KLHL1: variants seen among roughly 807,000 people sequenced by gnomAD.
The protein encoded by KLHL1 is kelch-like protein 1.
In KLHL1, 47 loss-of-function variants were observed where a neutral mutation model predicts 77.7. That is an observed-to-expected ratio of 0.60 (90% CI 0.48 to 0.77). The LOEUF (loss-of-function observed/expected upper bound fraction) is 0.77, where lower values mean the gene tolerates loss of function less well. Ranked by LOEUF, KLHL1 falls within the 30% of genes least tolerant of loss-of-function variation. The probability of loss-of-function intolerance (pLI) is 0.00; values close to 1 mark genes in which losing one functional copy is unlikely to be tolerated. For missense variants in KLHL1, 925 were observed against 910.8 expected (o/e 1.02, Z -0.20); for synonymous variants, 360 against 325.2 (o/e 1.11, Z -1.15).
At chr13:70,044,710 G>C (rs996860782) in intron 1 of KLHL1, among the ~76,000 whole-genome samples, 1 of 152,018 alleles carries the variant, frequency 6.6e-6, no homozygotes, top group Non-Finnish European at 1.5e-5. Context: ...GTATTATTTT[G>C]ACTTACTACA....
intron 2 of KLHL1, among the ~76,000 whole-genome samples, chr13:69,969,940 T>TTG (rs959498517): frequency 3.1e-3 from 5 of 1,594 alleles, no homozygotes; most frequent in Non-Finnish European, 0.03. Context: ...GATTAAACTT[T>TTG]TTAAGTTCCA....
chr13:70,066,269 AGTCT>A (rs1419361285), intron 1 of KLHL1, among the ~76,000 whole-genome samples: 5 of 152,302 alleles, frequency 3.3e-5, no homozygotes, highest in African/African-American at 7.2e-5. Context: ...TTACTAATTT[AGTCT>A]GTCTAAGTCA....
At chr13:69,846,007 T>C (rs1221220228) in intron 5 of KLHL1, among the ~76,000 whole-genome samples, 2 of 151,372 alleles carry the variant, frequency 1.3e-5, no homozygotes, top group East Asian at 3.9e-4. Context: ...GCAAGAAAAA[T>C]AAAATCATTA....
chr13:69,874,829 G>T (rs756630367), intron 5 of KLHL1, among the ~76,000 whole-genome samples: 2 of 152,092 alleles, frequency 1.3e-5, no homozygotes, highest in Non-Finnish European at 2.9e-5. Context: ...GTTCAGAGAA[G>T]TAGCTTTGGG....
chr13:70,078,627 G>A (rs1258861340), intron 1 of KLHL1, among the ~76,000 whole-genome samples: 1 of 152,090 alleles, frequency 6.6e-6, no homozygotes, highest in Non-Finnish European at 1.5e-5. Flanking sequence ...ACATTTGAGA[G>A]TCTTAGCCTC....
At chr13:69,776,324 C>G (rs1593818051) in intron 7 of KLHL1, among the ~76,000 whole-genome samples, 1 of 151,862 alleles carries the variant, frequency 6.6e-6, no homozygotes, top group East Asian at 1.9e-4. Context: ...GTAGAAAATG[C>G]AAAAAGCAAA....
At chr13:69,939,378 T>TATATATATATACACACAC (rs1200160699) in intron 4 of KLHL1, among the ~76,000 whole-genome samples, 2 of 70,822 alleles carry the variant, frequency 2.8e-5, no homozygotes, top group Admixed American at 1.6e-4. Context: ...TATATATATA[T>TATATATATATACACACAC]ACACACACAC....
chr13:69,798,922 A>G (rs1877250927), intron 6 of KLHL1, among the ~76,000 whole-genome samples: 1 of 151,872 alleles, frequency 6.6e-6, no homozygotes, highest in South Asian at 2.1e-4. Flanking sequence ...AAATACAAAA[A>G]ATAATAATAA....
At chr13:70,040,286 C>G (rs1302194426) in intron 1 of KLHL1, among the ~76,000 whole-genome samples, 1 of 152,058 alleles carries the variant, frequency 6.6e-6, no homozygotes, top group Non-Finnish European at 1.5e-5. Context: ...ATAATAAACA[C>G]TGGGGATGCC....
chr13:70,024,620 T>TCTC (rs1885886460), intron 1 of KLHL1, among the ~76,000 whole-genome samples: 7 of 130,406 alleles, frequency 5.4e-5, no homozygotes, highest in African/African-American at 1.3e-4. Context: ...GAGAAAAGAT[T>TCTC]TCTCTCTCTC....
At chr13:70,021,142 G>T (rs902108752) in intron 1 of KLHL1, among the ~76,000 whole-genome samples, 1 of 152,040 alleles carries the variant, frequency 6.6e-6, no homozygotes, top group Non-Finnish European at 1.5e-5. Flanking sequence ...ATATTATACA[G>T]AGTAGTTCCA....
At chr13:69,975,342 A>G (rs7332190) in intron 2 of KLHL1, among the ~76,000 whole-genome samples, 6,328 of 152,130 alleles carry the variant, frequency 0.042, 180 homozygotes, top group African/African-American at 0.081. Context: ...TTTCCTCCAT[A>G]GTTATCAACC....
chr13:69,728,799 C>T (rs1873414723), intron 8 of KLHL1, among the ~76,000 whole-genome samples: 1 of 151,410 alleles, frequency 6.6e-6, no homozygotes, highest in South Asian at 2.1e-4. Context: ...CAGAGCGAGA[C>T]TCCATCTCAA....
chr13:69,895,926 TTGAAC>T (rs749017124), intron 4 of KLHL1, among the ~76,000 whole-genome samples: 1 of 152,128 alleles, frequency 6.6e-6, no homozygotes, highest in Non-Finnish European at 1.5e-5. Flanking sequence ...CAGGCTGCTC[TTGAAC>T]TTGTGACCTC....
chr13:70,085,871 C>T (rs1178835061), intron 1 of KLHL1, among the ~76,000 whole-genome samples: 1 of 152,060 alleles, frequency 6.6e-6, no homozygotes, highest in Non-Finnish European at 1.5e-5. Flanking sequence ...TCAAAAACCA[C>T]AAACAAAACA....
chr13:70,039,935 T>C (rs1886335712), intron 1 of KLHL1, among the ~76,000 whole-genome samples: 1 of 152,148 alleles, frequency 6.6e-6, no homozygotes, highest in South Asian at 2.1e-4. Flanking sequence ...TAAAAAAATA[T>C]ATATTTTTTG....
intron 9 of KLHL1, among the ~76,000 whole-genome samples, chr13:69,715,942 C>T (rs1464254997): frequency 6.6e-6 from 1 of 152,004 alleles, no homozygotes; most frequent in Non-Finnish European, 1.5e-5. Context: ...CAATTGCTTA[C>T]CTCTTGAGGC....
chr13:69,859,532 G>A (rs888389109), intron 5 of KLHL1, among the ~76,000 whole-genome samples: 5 of 151,980 alleles, frequency 3.3e-5, no homozygotes, highest in Admixed American at 6.6e-5. Context: ...AAAGGTTCCC[G>A]CATTTTCACC....
chr13:70,048,857 T>C (rs972677026), intron 1 of KLHL1, among the ~76,000 whole-genome samples: 3 of 152,182 alleles, frequency 2.0e-5, no homozygotes, highest in African/African-American at 7.2e-5. Context: ...GGGCTGCGGG[T>C]TGGGGACCCC....
Sources: allele counts gnomAD v4.1 joint callset (sites outside exome capture counted in the v4.1 genomes callset), GRCh38; gene constraint gnomAD v4.1.1; transcripts MANE v1.5; gene names NCBI Gene and HGNC (gene_info 2026-07-23, HGNC 2026-07-21).